Variants in NRXN3 observed in about 807,000 individuals in gnomAD.
NRXN3 encodes the protein neurexin 3.
NRXN3 carries 32 observed loss-of-function variants against 137.6 expected under a neutral mutation model. The observed-to-expected ratio is 0.23, with a 90% CI of 0.18 to 0.31. The LOEUF (loss-of-function observed/expected upper bound fraction) is 0.31. Ranked by LOEUF, NRXN3 falls within the 10% of genes least tolerant of loss-of-function variation. The pLI is 1.00. For missense variants in NRXN3, 1,574 were observed against 2,062.5 expected (o/e 0.76, Z 4.59); for synonymous variants, 798 against 784.5 (o/e 1.02, Z -0.29).
Position 79,723,442 on chromosome 14 carries a change from T to C in NRXN3, c.4014+25505T>C, listed in dbSNP as rs1204035782. On this transcript the variant is annotated intron_variant, in intron 19 of 20. Coordinates refer to ENST00000335750, the MANE Select transcript of NRXN3 (RefSeq NM_001330195.2). The stretch of plus-strand genomic sequence containing the variant: ...GAGTTTGCCCTAATTGTTGGGCGCA[T>C]TGTAGCGTCTTAGATGATCAATTGC... 2.0e-5 allele frequency among the ~76,000 whole-genome samples: 3 copies of C among 152,252 alleles called. No individual in the cohort carries two copies. In the East Asian group the frequency reaches 5.8e-4, roughly 29 times the overall value.
chr14:78,540,767 T>C (rs1490931098), intron 4 of NRXN3, among the ~76,000 whole-genome samples: 1 of 152,248 alleles, frequency 6.6e-6, no homozygotes, highest in Non-Finnish European at 1.5e-5. Context: ...AGTTGTCTCT[T>C]TCCATGTTTA....
chr14:79,481,571 T>TA (rs1178132830), intron 16 of NRXN3, among the ~76,000 whole-genome samples: 2 of 152,166 alleles, frequency 1.3e-5, no homozygotes, highest in East Asian at 3.9e-4. Context: ...CATGTCTAAA[T>TA]AAAAAAGCAC....
chr14:79,350,543 C>T (rs2093154987), intron 15 of NRXN3, among the ~76,000 whole-genome samples: 1 of 152,144 alleles, frequency 6.6e-6, no homozygotes, highest in South Asian at 2.1e-4. Context: ...TTCTGCATCC[C>T]TCTGTTCGGG....
At chr14:78,255,182 A>T (rs2069359044) in intron 2 of NRXN3, among the ~76,000 whole-genome samples, 1 of 152,130 alleles carries the variant, frequency 6.6e-6, no homozygotes, top group African/African-American at 2.4e-5. Flanking sequence ...AAAAAAAAAA[A>T]AAAAAAGGAA....
At chr14:79,671,797 A>T (rs1316354980) in intron 17 of NRXN3, among the ~76,000 whole-genome samples, 1 of 152,040 alleles carries the variant, frequency 6.6e-6, no homozygotes, top group Non-Finnish European at 1.5e-5. Context: ...TGTCTCTAAG[A>T]AGCTGATAAG....
intron 15 of NRXN3, among the ~76,000 whole-genome samples, chr14:79,034,724 T>C (rs979909496): frequency 8.5e-5 from 13 of 152,124 alleles, no homozygotes; most frequent in African/African-American, 3.1e-4. Context: ...TAAGAGTACA[T>C]TTTGATAACT....
At chr14:78,862,283 G>T (rs575999666) in intron 10 of NRXN3, among the ~76,000 whole-genome samples, 172 of 152,152 alleles carry the variant, frequency 1.1e-3, no homozygotes, top group Non-Finnish European at 2.1e-3. Context: ...TAGATAGATA[G>T]ATGGAAAAAG....
intron 15 of NRXN3, among the ~76,000 whole-genome samples, chr14:79,051,976 C>T (rs927632989): frequency 9.2e-5 from 14 of 152,108 alleles, no homozygotes; most frequent in African/African-American, 3.1e-4. Context: ...CAAAATGAAA[C>T]AAAAAGAGGT....
intron 8 of NRXN3, among the ~76,000 whole-genome samples, chr14:78,762,288 A>G (rs890358959): frequency 1.3e-5 from 2 of 152,160 alleles, no homozygotes; most frequent in Non-Finnish European, 1.5e-5. Context: ...GTGTACTACT[A>G]TTCACTCATT....
At chr14:79,539,926 A>G (rs2097255975) in intron 16 of NRXN3, among the ~76,000 whole-genome samples, 1 of 151,810 alleles carries the variant, frequency 6.6e-6, no homozygotes, top group Non-Finnish European at 1.5e-5. Flanking sequence ...TCGTCTTGCT[A>G]TTTTTTCTAG....
At chr14:78,233,958 A>G (rs1490602607) in intron 1 of NRXN3, among the ~76,000 whole-genome samples, 1 of 152,172 alleles carries the variant, frequency 6.6e-6, no homozygotes. Context: ...CATAATTCCC[A>G]CATGTCATGG....
intron 10 of NRXN3, among the ~76,000 whole-genome samples, chr14:78,873,344 A>G (rs549415804): frequency 5.8e-4 from 89 of 152,320 alleles, no homozygotes; most frequent in Non-Finnish European, 1.1e-3. Context: ...TAGGATTTTG[A>G]AAGAAAATAC....
intron 15 of NRXN3, among the ~76,000 whole-genome samples, chr14:79,213,484 C>T (rs1438589451): frequency 2.6e-5 from 4 of 152,032 alleles, no homozygotes; most frequent in African/African-American, 7.2e-5. Context: ...TACATTGTAT[C>T]ACAAATTACT....
At chr14:79,823,173 C>A (rs1463722785) in intron 20 of NRXN3, among the ~76,000 whole-genome samples, 1 of 152,152 alleles carries the variant, frequency 6.6e-6, no homozygotes, top group African/African-American at 2.4e-5. Context: ...ATCCCCTCTC[C>A]TCTTTTTTGT....
At chr14:78,507,945 A>C (rs531395611) in intron 4 of NRXN3, among the ~76,000 whole-genome samples, 1 of 152,296 alleles carries the variant, frequency 6.6e-6, no homozygotes, top group East Asian at 1.9e-4. Flanking sequence ...TTCTCTTTAT[A>C]CAGAGATGAA....
At chr14:79,104,308 C>T (rs1338785973) in intron 15 of NRXN3, among the ~76,000 whole-genome samples, 1 of 152,142 alleles carries the variant, frequency 6.6e-6, no homozygotes, top group African/African-American at 2.4e-5. Context: ...TTGTATACTA[C>T]AGGCACACAT....
chr14:79,038,829 T>A lies in NRXN3; in HGVS notation c.3262+50688T>A, dbSNP rs188811717. Among the ~76,000 whole-genome samples, 7 of 152,262 alleles carry A rather than the reference T, an allele frequency of 4.6e-5. No homozygotes were observed. In the East Asian group the frequency reaches 1.4e-3, roughly 29 times the overall value. On this transcript the variant is annotated intron_variant, in intron 15 of 20. Transcript: ENST00000335750. ...AGGCGAGCAGGAATCCCTCGCTACC[T>A]GGCCTTTCGTTCCCTGGTTCCATCT... is the stretch of plus-strand genomic sequence containing the variant.
At chr14:79,360,385 G>A (rs1330144567) in intron 15 of NRXN3, among the ~76,000 whole-genome samples, 2 of 152,166 alleles carry the variant, frequency 1.3e-5, no homozygotes, top group Middle Eastern at 3.2e-3. Context: ...GATTACAGGC[G>A]TGAGCCACTG....
At chr14:79,502,762 T>C (rs1161486570) in intron 16 of NRXN3, among the ~76,000 whole-genome samples, 1 of 152,142 alleles carries the variant, frequency 6.6e-6, no homozygotes, top group Admixed American at 6.5e-5. Context: ...TATCATAGCA[T>C]GCTGGTTCTC....
Sources: allele counts gnomAD v4.1 joint callset (sites outside exome capture counted in the v4.1 genomes callset), GRCh38; gene constraint gnomAD v4.1.1; transcripts MANE v1.5; gene names NCBI Gene and HGNC (gene_info 2026-07-23, HGNC 2026-07-21).